FREM1: variants seen among roughly 807,000 people sequenced by gnomAD.
FREM1 encodes FRAS1-related extracellular matrix protein 1.
A neutral mutation model predicts 210.1 loss-of-function variants in FREM1; 220 were observed. The observed-to-expected ratio is 1.05, with a 90% CI of 0.94 to 1.17. The LOEUF is 1.17. FREM1 is among the 50% of genes most tolerant of loss of function. FREM1 has a pLI of 0.00. For missense variants in FREM1, 3,454 were observed against 2,675.5 expected (o/e 1.29, Z -6.42); for synonymous variants, 1,189 against 980.2 (o/e 1.21, Z -3.98).
chr9:14,809,835 G>A (rs779339904), intron 16 of FREM1, among the ~76,000 whole-genome samples: 4 of 152,160 alleles, frequency 2.6e-5, no homozygotes, highest in Non-Finnish European at 5.9e-5. Context: ...CACCGATACT[G>A]TCTAATGGTA....
chr9:14,857,639 G>T lies in FREM1; in HGVS notation c.742C>A (p.Gln248Lys), dbSNP rs1168968480. The change falls in exon 5 of 37, where the codon CAG (glutamine) becomes AAG (lysine). Residue 248 changes from glutamine to lysine, a missense_variant. Physicochemically the swap from Gln to Lys is moderately conservative, Grantham distance 53. Transcript: ENST00000380880. ...EEFLLMGLRY[Q>K]HLDPPSPNID... is the part of the protein sequence containing the mutation. ...TTGGGTGAAGGGGGATCCAGATGCTGATAACGAAGGCCCATCAGCAGGAAC... is the reference window on the plus strand; with the variant it reads ...TTGGGTGAAGGGGGATCCAGATGCTTATAACGAAGGCCCATCAGCAGGAAC... 1 of 1,613,898 alleles carries T rather than the reference G, an allele frequency of 6.2e-7. No homozygotes were observed. Among genetic ancestry groups the T allele is most frequent in the Non-Finnish European group, 8.5e-7 (1 of 1,179,842 alleles).
At chr9:14,747,919 G>C (rs1258156090) in intron 31 of FREM1, among the ~76,000 whole-genome samples, 191 bp from the exon 32 acceptor site, 1 of 152,218 alleles carries the variant, frequency 6.6e-6, no homozygotes, top group Non-Finnish European at 1.5e-5. Context: ...TGATTGTTGT[G>C]TGGATTCACA....
chr9:14,801,845 G>C lies in FREM1; in HGVS notation c.3501C>G (p.Asp1167Glu), dbSNP rs199950755. Residue 1167 changes from aspartate to glutamate, a missense_variant, in exon 20 of 37, where the codon GAC becomes GAG. Physicochemically the swap from Asp to Glu is conservative, Grantham distance 45. Transcript: ENST00000380880. ...TVCEGQMKELDSSIISAVDLD... is the reference protein window; with the variant it reads ...TVCEGQMKELESSIISAVDLD... ...GGTCCACAGCGCTGATGATGGAAGAGTCCAGCTCTTTCATCTGACCCTCAC... is the reference window on the plus strand; with the variant it reads ...GGTCCACAGCGCTGATGATGGAAGACTCCAGCTCTTTCATCTGACCCTCAC... The C allele has an allele frequency of 1.2e-6, 2 of 1,613,626 alleles. No individual in the cohort carries two copies. Among genetic ancestry groups the C allele is most frequent in the Non-Finnish European group, 8.5e-7 (1 of 1,179,732 alleles).
chr9:14,803,054 CT>C (rs1563964240), intron 19 of FREM1, among the ~76,000 whole-genome samples: 2 of 119,056 alleles, frequency 1.7e-5, no homozygotes, highest in African/African-American at 7.3e-5. Flanking sequence ...CTTTCTCTTT[CT>C]TTTTCTTTTC....
intron 35 of FREM1, among the ~76,000 whole-genome samples, chr9:14,743,530 C>T (rs1006795410): frequency 7.2e-5 from 11 of 152,050 alleles, no homozygotes; most frequent in African/African-American, 2.4e-4. Context: ...CCATCCATGA[C>T]TGAATGGAAA....
chr9:14,749,520 A>G (rs1842984798), intron 30 of FREM1, among the ~76,000 whole-genome samples: 1 of 152,136 alleles, frequency 6.6e-6, no homozygotes, highest in Non-Finnish European at 1.5e-5. Context: ...AAGTAACTAA[A>G]AGGCATTTGG....
chr9:14,812,845 C>T lies in FREM1; in HGVS notation c.2860G>A (p.Val954Ile). The change falls in exon 16 of 37, where the codon GTT becomes ATT. Residue 954 changes from valine (V) to isoleucine (I), a missense_variant. Transcript: ENST00000380880. The part of the protein sequence containing the change: ...VTVDQFSQRD[V>I]ISEAVTYKHT... ...TTGTATGTCACGGCCTCTGAGATAA[C>T]ATCTCTCTGAGAGAACTGATCCACT... The T allele has an allele frequency of 1.2e-6, 2 of 1,613,212 alleles. No individual in the cohort carries two copies. Among genetic ancestry groups the T allele is most frequent in the Non-Finnish European group, 1.7e-6 (2 of 1,179,384 alleles).
chr9:14,789,037 G>A lies in FREM1; in HGVS notation c.4059C>T (p.Tyr1353=), dbSNP rs1850862654. The change falls in exon 23 of 37, where the codon TAC becomes TAT. Residue 1353 remains tyrosine (Y), a synonymous_variant. Transcript: ENST00000380880. ...GGGAATCCATTGCCCCGGTGTGTGT[G>A]TATCTCAGCAAGTTCAGATCCACTT... The part of the protein sequence containing the change: ...QEEVDLNLLR[Y]THTGAMDSQN... The A allele has an allele frequency of 1.2e-6, 2 of 1,610,694 alleles. No individual in the cohort carries two copies. Among genetic ancestry groups the A allele is most frequent in the Non-Finnish European group, 1.7e-6 (2 of 1,178,482 alleles).
intron 29 of FREM1, chr9:14,751,681 T>A (rs910775941): frequency 1.1e-4 from 16 of 152,144 alleles, no homozygotes; most frequent in African/African-American, 3.4e-4. Context: ...AACGACTCTT[T>A]TATCTTGCAG....
chr9:14,889,642 C>A (rs114300322), intron 1 of FREM1, among the ~76,000 whole-genome samples: 1 of 152,116 alleles, frequency 6.6e-6, no homozygotes, highest in Non-Finnish European at 1.5e-5. Context: ...ATTTCCTTCC[C>A]AGATCTTCAG....
In FREM1 at chr9:14,857,652, C is replaced by G. The variant is rs1363932106; in HGVS notation, c.729G>C (p.Met243Ile). The change falls in exon 5 of 37, where the codon ATG (methionine) becomes ATC (isoleucine). Residue 243 changes from methionine (M) to isoleucine (I), a missense_variant. Coordinates refer to ENST00000380880, the MANE Select transcript of FREM1 (RefSeq NM_001379081.2). The part of the protein sequence containing the change: ...LKVSCEEFLL[M>I]GLRYQHLDPP... ...GATCCAGATGCTGATAACGAAGGCCCATCAGCAGGAACTCCTCACAGCTCA... is the reference window on the plus strand; with the variant it reads ...GATCCAGATGCTGATAACGAAGGCCGATCAGCAGGAACTCCTCACAGCTCA... The G allele has an allele frequency of 1.9e-6, 3 of 1,613,278 alleles. No individual in the cohort carries two copies. Among genetic ancestry groups the G allele is most frequent in the Non-Finnish European group, 2.5e-6 (3 of 1,179,312 alleles).
intron 1 of FREM1, among the ~76,000 whole-genome samples, chr9:14,888,365 C>T (rs1836188418): frequency 6.6e-6 from 1 of 152,182 alleles, no homozygotes; most frequent in Admixed American, 6.5e-5. Context: ...CACACCAAAA[C>T]CTTATACTCT....
chr9:14,752,579 A>G (rs1843584773), intron 29 of FREM1, among the ~76,000 whole-genome samples: 2 of 152,116 alleles, frequency 1.3e-5, no homozygotes, highest in Admixed American at 6.5e-5. Context: ...GTTATGTGAG[A>G]AAGTCTGGAG....
chr9:14,856,172 T>C (rs897536650), intron 5 of FREM1, among the ~76,000 whole-genome samples: 3 of 152,330 alleles, frequency 2.0e-5, no homozygotes, highest in Admixed American at 2.0e-4. Flanking sequence ...CATTTAATCC[T>C]CTCAGTTACT....
At chr9:14,875,421 C>T (rs1029604882) in intron 1 of FREM1, among the ~76,000 whole-genome samples, 16 of 152,154 alleles carry the variant, frequency 1.1e-4, no homozygotes, top group Non-Finnish European at 2.4e-4. Context: ...TCATTTCATT[C>T]ATTTCATCCT....
Position 14,747,667 on chromosome 9 carries a change from G to T in FREM1, c.5844+14C>A. 6.8e-7 allele frequency: 1 copy of T among 1,474,570 alleles called. No homozygotes were observed. The highest frequency in any genetic ancestry group is 9.1e-7 in the Non-Finnish European group (1 of 1,093,704). 91.3% of individuals were successfully genotyped at this position (1,474,570 alleles called of 1,614,324 possible). ...TAAATATAAGAAATTTAGCAATTCT[G>T]TGACTACACTTACATTATAGATGAT... On this transcript the variant is annotated intron_variant, in intron 32 of 36. Transcript: ENST00000380880.
At chr9:14,830,748 G>A (rs373800895) in intron 10 of FREM1, among the ~76,000 whole-genome samples, 8 of 152,004 alleles carry the variant, frequency 5.3e-5, no homozygotes, top group East Asian at 1.9e-4. Flanking sequence ...TGTCCGTGTC[G>A]TTTTATCTAA....
chr9:14,857,561 C>A lies in FREM1; in HGVS notation c.820G>T (p.Val274Leu). The A allele has an allele frequency of 1.2e-6, 2 of 1,613,112 alleles. No individual in the cohort carries two copies. The highest frequency in any genetic ancestry group is 1.7e-6 in the Non-Finnish European group (2 of 1,179,576). Reference sequence around the variant, plus strand: ...ATAACCCCAAACTCTACCTTGTACACAATTTTGCTCCTGGTATCTGTGAGG... The same window carrying A: ...ATAACCCCAAACTCTACCTTGTACAAAATTTTGCTCCTGGTATCTGTGAGG... ...LDLTDTRSKI[V>L]YKSESAWLPV... Residue 274 changes from valine to leucine, a missense_variant, in exon 5 of 37, where the codon GTG (valine) becomes TTG (leucine). Transcript: ENST00000380880.
At chr9:14,880,579 G>A in intron 1 of FREM1, among the ~76,000 whole-genome samples, 1 of 147,046 alleles carries the variant, frequency 6.8e-6, no homozygotes, top group Non-Finnish European at 1.5e-5. Flanking sequence ...ACTCCAGCCT[G>A]GGTAACAGAG....
Sources: allele counts gnomAD v4.1 joint callset (sites outside exome capture counted in the v4.1 genomes callset), GRCh38; gene constraint gnomAD v4.1.1; transcripts MANE v1.5; gene names NCBI Gene and HGNC (gene_info 2026-07-23, HGNC 2026-07-21).